TBL1XR1: variants seen among roughly 807,000 people sequenced by gnomAD.
The protein encoded by TBL1XR1 is TBL1X/Y related 1, also known as F-box-like/WD repeat-containing protein TBL1XR1.
A neutral mutation model predicts 66.9 loss-of-function variants in TBL1XR1; 5 were observed. That is an observed-to-expected ratio of 0.07 (90% CI 0.04 to 0.16). The LOEUF is 0.16. Ranked by LOEUF, TBL1XR1 falls within the 10% of genes least tolerant of loss-of-function variation. The probability of loss-of-function intolerance (pLI) is 1.00; values close to 1 mark genes in which losing one functional copy is unlikely to be tolerated. For missense variants in TBL1XR1, 238 were observed against 623.2 expected, an observed-to-expected ratio of 0.38 and a Z score of 6.58; for synonymous variants, 210 against 206.0, an observed-to-expected ratio of 1.02 and a Z score of -0.17.
intron 2 of TBL1XR1, among the ~76,000 whole-genome samples, chr3:177,077,062 C>A (rs913981552): frequency 6.6e-6 from 1 of 152,118 alleles, no homozygotes; most frequent in Non-Finnish European, 1.5e-5. Flanking sequence ...TGGAAGAGAG[C>A]CACAGTCAAC....
At chr3:177,096,031 G>GA (rs936407482) in intron 2 of TBL1XR1, among the ~76,000 whole-genome samples, 3 of 151,900 alleles carry the variant, frequency 2.0e-5, no homozygotes, top group South Asian at 4.2e-4. Context: ...AATTTTAAGA[G>GA]AAAAAAACAC....
At chr3:177,177,571 G>A (rs1039582846) in intron 1 of TBL1XR1, among the ~76,000 whole-genome samples, 3 of 152,132 alleles carry the variant, frequency 2.0e-5, no homozygotes, top group East Asian at 1.9e-4. Flanking sequence ...TATTTGACTC[G>A]ATTGCCATCT....
chr3:177,108,432 T>C (rs1191906335), intron 1 of TBL1XR1, among the ~76,000 whole-genome samples: 1 of 152,184 alleles, frequency 6.6e-6, no homozygotes, highest in Non-Finnish European at 1.5e-5. Flanking sequence ...AACTCAGCTC[T>C]TTCACATCAT....
chr3:177,032,126 G>A (rs963822404), intron 14 of TBL1XR1, among the ~76,000 whole-genome samples: 1 of 152,104 alleles, frequency 6.6e-6, no homozygotes, highest in African/African-American at 2.4e-5. Flanking sequence ...AGTGTAAAAT[G>A]GAAGAAGCAC....
chr3:177,067,461 C>A (rs901024597), intron 2 of TBL1XR1, among the ~76,000 whole-genome samples: 6 of 146,556 alleles, frequency 4.1e-5, no homozygotes, highest in Non-Finnish European at 7.5e-5. Context: ...AATTTCCCAG[C>A]TGAAACTAGT....
At chr3:177,129,993 C>T (rs907580614) in intron 1 of TBL1XR1, among the ~76,000 whole-genome samples, 1 of 151,818 alleles carries the variant, frequency 6.6e-6, no homozygotes, top group African/African-American at 2.4e-5. Flanking sequence ...AAAAATACAA[C>T]AATTAGCTGG....
At chr3:177,072,194 A>AT (rs1181310870) in intron 2 of TBL1XR1, among the ~76,000 whole-genome samples, 1 of 152,242 alleles carries the variant, frequency 6.6e-6, no homozygotes, top group African/African-American at 2.4e-5. Flanking sequence ...CAGATACGGT[A>AT]TTCTATTATA....
intron 1 of TBL1XR1, among the ~76,000 whole-genome samples, chr3:177,124,062 A>G (rs1358455907): frequency 6.6e-6 from 1 of 152,068 alleles, no homozygotes; most frequent in African/African-American, 2.4e-5. Flanking sequence ...ACTGTTACTT[A>G]AAGAACAAAG....
intron 1 of TBL1XR1, among the ~76,000 whole-genome samples, chr3:177,145,851 C>A (rs1730176247): frequency 6.6e-6 from 1 of 152,198 alleles, no homozygotes; most frequent in Admixed American, 6.5e-5. Flanking sequence ...AGTTTTCCAA[C>A]AGACAAAATT....
chr3:177,168,171 C>G (rs544432349), intron 1 of TBL1XR1, among the ~76,000 whole-genome samples: 1 of 152,054 alleles, frequency 6.6e-6, no homozygotes, highest in Admixed American at 6.6e-5. Flanking sequence ...TTAAAAATAA[C>G]TTATGAATCC....
chr3:177,177,504 G>C (rs146010662), intron 1 of TBL1XR1, among the ~76,000 whole-genome samples: 91 of 152,194 alleles, frequency 6.0e-4, no homozygotes, highest in African/African-American at 2.1e-3. Flanking sequence ...ATTATCATCA[G>C]TACAAAGCAC....
chr3:177,133,876 CAAA>C (rs541940840), intron 1 of TBL1XR1, among the ~76,000 whole-genome samples: 8,457 of 105,668 alleles, frequency 0.08, 365 homozygotes, highest in South Asian at 0.21. Context: ...ACTCCTATCT[CAAA>C]AAAAAAAAAA....
intron 12 of TBL1XR1, chr3:177,037,882 C>T (rs1332030193): frequency 2.0e-6 from 1 of 490,282 alleles, no homozygotes; most frequent in Non-Finnish European, 3.7e-6. Flanking sequence ...CACAAGCCAT[C>T]ATTTTAATAT....
At chr3:177,164,246 A>C (rs1164667835) in intron 1 of TBL1XR1, among the ~76,000 whole-genome samples, 3 of 152,160 alleles carry the variant, frequency 2.0e-5, no homozygotes, top group Non-Finnish European at 4.4e-5. Context: ...TACAACTACC[A>C]CAATGTTTGC....
At chr3:177,151,296 G>C (rs1278358189) in intron 1 of TBL1XR1, among the ~76,000 whole-genome samples, 2 of 152,174 alleles carry the variant, frequency 1.3e-5, no homozygotes, top group Non-Finnish European at 2.9e-5. Context: ...TGTATCAAAA[G>C]CAGTATTAAA....
chr3:177,038,542 A>T, intron 10 of TBL1XR1, 108 bp from the exon 11 acceptor site: 1 of 1,077,660 alleles, frequency 9.3e-7, no homozygotes, highest in Non-Finnish European at 1.2e-6. Flanking sequence ...CAGGCACTTA[A>T]ACATTTTACT....
At chr3:177,052,004 C>T (rs1219218188) in intron 4 of TBL1XR1, among the ~76,000 whole-genome samples, 1 of 152,012 alleles carries the variant, frequency 6.6e-6, no homozygotes, top group East Asian at 1.9e-4. Context: ...AGATGTAGGC[C>T]GAGCTGATAA....
chr3:177,061,825 A>C (rs1718550328), intron 3 of TBL1XR1, among the ~76,000 whole-genome samples: 1 of 152,246 alleles, frequency 6.6e-6, no homozygotes, highest in African/African-American at 2.4e-5. Context: ...TCCCCAAAAC[A>C]ACCCAGACAT....
chr3:177,075,524 T>C (rs1364767400), intron 2 of TBL1XR1, among the ~76,000 whole-genome samples: 1 of 152,228 alleles, frequency 6.6e-6, no homozygotes, highest in African/African-American at 2.4e-5. Context: ...CTAATCAGTA[T>C]AGTGTGGTTC....
Sources: gnomAD v4.1 joint callset for allele counts (sites outside exome capture counted in the v4.1 genomes callset) on GRCh38, gnomAD v4.1.1 for gene constraint, MANE v1.5 for transcripts, NCBI Gene and HGNC (gene_info 2026-07-23, HGNC 2026-07-21) for gene names.